UBXN2B: variants seen among roughly 807,000 people sequenced by gnomAD.
UBXN2B encodes UBX domain-containing protein 2B.
Under a neutral mutation model 37.5 loss-of-function variants are expected in UBXN2B, and 19 were observed. The ratio of observed to expected loss-of-function variants is 0.51; its 90% CI spans 0.35 to 0.74. The LOEUF is 0.74. Among genes scored for constraint, UBXN2B ranks in the 30% least tolerant of loss-of-function variants. The pLI, the probability that UBXN2B is intolerant of heterozygous loss-of-function variation, is 0.01. For synonymous variants in UBXN2B, 145 were observed against 143.8 expected (o/e 1.01, Z -0.06); for missense variants, 370 against 393.2 (o/e 0.94, Z 0.50).
At chr8:58,444,526 T>C (rs1474667960) in intron 6 of UBXN2B, among the ~76,000 whole-genome samples, 1 of 152,118 alleles carries the variant, frequency 6.6e-6, no homozygotes, top group Non-Finnish European at 1.5e-5. Context: ...GAGGTGGTAA[T>C]GGTGGTAGTG....
chr8:58,416,758 A>C, intron 1 of UBXN2B, 92 bp from the exon 2 acceptor site: 1 of 1,052,640 alleles, frequency 9.5e-7, no homozygotes, highest in Non-Finnish European at 1.3e-6. Context: ...TTTACCACTC[A>C]ATTTTAAGTT....
chr8:58,414,943 G>A (rs779236444), intron 1 of UBXN2B, among the ~76,000 whole-genome samples: 25 of 151,966 alleles, frequency 1.6e-4, no homozygotes, highest in Non-Finnish European at 2.4e-4. Flanking sequence ...TCTTGTTAAA[G>A]CAAAAAGTGT....
At chr8:58,432,375 C>CTT (rs34018318) in intron 3 of UBXN2B, among the ~76,000 whole-genome samples, 31,072 of 81,294 alleles carry the variant, frequency 0.38, 7,646 homozygotes, top group Admixed American at 0.46. Flanking sequence ...TTCTAAATTT[C>CTT]TTTTTTTTTT....
intron 1 of UBXN2B, among the ~76,000 whole-genome samples, chr8:58,411,846 G>A (rs1276327970): frequency 6.6e-6 from 1 of 152,194 alleles, no homozygotes; most frequent in Admixed American, 6.5e-5. Flanking sequence ...GAACAGTAAT[G>A]ATACGTGATT....
At chr8:58,444,338 T>C (rs1223522975) in intron 6 of UBXN2B, among the ~76,000 whole-genome samples, 1 of 152,218 alleles carries the variant, frequency 6.6e-6, no homozygotes, top group African/African-American at 2.4e-5. Flanking sequence ...TGTGTCCTAA[T>C]TAATTTAATC....
At chr8:58,444,377 G>A (rs1350136124) in intron 6 of UBXN2B, among the ~76,000 whole-genome samples, 8 of 152,136 alleles carry the variant, frequency 5.3e-5, no homozygotes, top group African/African-American at 1.9e-4. Flanking sequence ...TTGGCTCTCA[G>A]GCACAATAAG....
intron 2 of UBXN2B, among the ~76,000 whole-genome samples, chr8:58,423,128 G>A (rs1807972907): frequency 6.6e-6 from 1 of 150,846 alleles, no homozygotes; most frequent in Non-Finnish European, 1.5e-5. Flanking sequence ...CATCAATAGA[G>A]GGCAGTAGAA....
intron 6 of UBXN2B, among the ~76,000 whole-genome samples, chr8:58,440,998 T>C (rs917958753): frequency 2.2e-5 from 3 of 136,280 alleles, no homozygotes; most frequent in African/African-American, 5.2e-5. Context: ...TTTCTTTCTC[T>C]TTTTTTTTTT....
intron 2 of UBXN2B, among the ~76,000 whole-genome samples, chr8:58,426,899 T>G (rs1230364525): frequency 6.6e-6 from 1 of 152,240 alleles, no homozygotes; most frequent in Non-Finnish European, 1.5e-5. Context: ...GTAATTTTTT[T>G]TTTCTCTGTC....
chr8:58,423,014 T>G lies in UBXN2B; in HGVS notation c.188+6061T>G, dbSNP rs1373880038. On this transcript the variant is annotated intron_variant, in intron 2 of 7. Coordinates refer to ENST00000399598, the MANE Select transcript of UBXN2B (RefSeq NM_001077619.2). ...CTACTTCACACCCTTTTTTAAAATC[T>G]GGTCTGGGCATGTGACTTGTTTAGT... is the stretch of plus-strand genomic sequence containing the variant. Among the ~76,000 whole-genome samples the G allele has an allele frequency of 2.0e-5, 3 of 152,316 alleles. No homozygotes were observed. In the East Asian group the frequency reaches 5.8e-4, roughly 29 times the overall value.
At chr8:58,424,654 C>T (rs2129603947) in intron 2 of UBXN2B, 1 of 1,244,004 alleles carries the variant, frequency 8.0e-7, no homozygotes, top group Non-Finnish European at 1.2e-6. Context: ...TGTCTGCTCT[C>T]ATTTCTGCAC....
At chr8:58,437,088 T>A (rs1006968280) in intron 5 of UBXN2B, among the ~76,000 whole-genome samples, 9 of 152,114 alleles carry the variant, frequency 5.9e-5, no homozygotes, top group Admixed American at 5.2e-4. Flanking sequence ...ATTTGGTACT[T>A]CTTAGAGACT....
chr8:58,423,402 A>G (rs2129603892), intron 2 of UBXN2B, among the ~76,000 whole-genome samples: 1 of 151,934 alleles, frequency 6.6e-6, no homozygotes, highest in East Asian at 1.9e-4. Flanking sequence ...CCCAACTCAA[A>G]TTGAAGAACA....
In UBXN2B at chr8:58,449,108, G is replaced by A. The variant is rs1258718706; in HGVS notation, c.*1557G>A. ...CACATCTCTCTGACACCAGTGTGGA[G>A]AGGTTCTCTGCAGGACTCATGATTA... On this transcript the variant is annotated 3_prime_UTR_variant, in exon 8 of 8. Transcript: ENST00000399598. 2 of 152,164 alleles carry A rather than the reference G, an allele frequency of 1.3e-5. No individual in the cohort carries two copies. Among genetic ancestry groups the A allele is most frequent in the Non-Finnish European group, 2.9e-5 (2 of 68,034 alleles). 9.4% of individuals were successfully genotyped at this position (152,164 alleles called of 1,614,324 possible). A position where few individuals can be genotyped will look rare whatever the true frequency, so the allele number is the denominator to read the frequency against.
Position 58,438,969 on chromosome 8 carries a change from C to G in UBXN2B, c.534-664C>G, listed in dbSNP as rs576537326. Among the ~76,000 whole-genome samples the G allele has an allele frequency of 6.6e-5, 10 of 152,218 alleles. No homozygotes were observed. In the South Asian group the frequency reaches 2.1e-3, roughly 32 times the overall value. Reference sequence around the variant, plus strand: ...GGTGCCATCCCCATGGTAATGAGTTCTCACCCCGGTAGTTCACTCAAGAGC... The same window carrying G: ...GGTGCCATCCCCATGGTAATGAGTTGTCACCCCGGTAGTTCACTCAAGAGC... On this transcript the variant is annotated intron_variant, in intron 5 of 7. Transcript: ENST00000399598.
chr8:58,447,323 C>G (rs1196685635), intron 7 of UBXN2B, 66 bp from the exon 8 acceptor site: 2 of 1,398,420 alleles, frequency 1.4e-6, no homozygotes, highest in Non-Finnish European at 9.6e-7. Flanking sequence ...TATTATGATT[C>G]AGTTTTAAGT....
At chr8:58,412,776 A>C (rs1222079082) in intron 1 of UBXN2B, among the ~76,000 whole-genome samples, 1 of 152,222 alleles carries the variant, frequency 6.6e-6, no homozygotes, top group African/African-American at 2.4e-5. Context: ...CTTCATTTGT[A>C]AACTGAGGAA....
In UBXN2B at chr8:58,439,615, T is replaced by C. The variant is rs1808495162; in HGVS notation, c.534-18T>C. On this transcript the variant is annotated intron_variant, in intron 5 of 7. Transcript: ENST00000399598. ...CTTGGAAAACTTAATGATAACTTTT[T>C]TCCCCCCTTTTTAAAAGAGAGATTC... 6.3e-7 allele frequency: 1 copy of C among 1,588,100 alleles called. No individual in the cohort carries two copies. Among genetic ancestry groups the C allele is most frequent in the African/African-American group, 1.4e-5 (1 of 73,164 alleles).
At chr8:58,440,985 CTCTT>C (rs940779431) in intron 6 of UBXN2B, among the ~76,000 whole-genome samples, 5 of 151,168 alleles carry the variant, frequency 3.3e-5, no homozygotes, top group South Asian at 2.1e-4. Context: ...CGTCAGGCTT[CTCTT>C]TCTTTCTCTT....
Sources: allele counts gnomAD v4.1 joint callset (sites outside exome capture counted in the v4.1 genomes callset), GRCh38; gene constraint gnomAD v4.1.1; transcripts MANE v1.5; gene names NCBI Gene and HGNC (gene_info 2026-07-23, HGNC 2026-07-21).